COLQ: variants seen among roughly 807,000 people sequenced by gnomAD.
The protein encoded by COLQ is acetylcholinesterase collagenic tail peptide.
COLQ carries 48 observed loss-of-function variants against 69.0 expected under a neutral mutation model. That is an observed-to-expected ratio of 0.70 (90% CI 0.55 to 0.88). The LOEUF (loss-of-function observed/expected upper bound fraction) is 0.88, where lower values mean the gene tolerates loss of function less well. Among genes scored for constraint, COLQ ranks in the 40% least tolerant of loss-of-function variants. The pLI is 0.00. For missense variants in COLQ, 618 were observed against 594.6 expected (o/e 1.04, Z -0.41); for synonymous variants, 217 against 211.2 (o/e 1.03, Z -0.24).
At chr3:15,462,034 T>G (rs2062126018) in intron 12 of COLQ, among the ~76,000 whole-genome samples, 1 of 148,516 alleles carries the variant, frequency 6.7e-6, no homozygotes. Flanking sequence ...TATTTATTTA[T>G]TTATTTATTT....
rs537718367 is a variant in COLQ, at chr3:15,520,512, G to A, written c.106+1008C>T. ...TGGCCCTCCCTGTGTTTCCAGCAAA[G>A]GCAGCGATAGTGAAATTTCTGTCTC... is the stretch of plus-strand genomic sequence containing the variant. On this transcript the variant is annotated intron_variant, in intron 1 of 16. Coordinates refer to ENST00000383788, the MANE Select transcript of COLQ (RefSeq NM_005677.4). Among the ~76,000 whole-genome samples the A allele has an allele frequency of 2.0e-5, 3 of 152,306 alleles. No individual in the cohort carries two copies. In the East Asian group the frequency reaches 5.8e-4, roughly 29 times the overall value.
At chr3:15,501,591 A>G (rs1439727015) in intron 1 of COLQ, among the ~76,000 whole-genome samples, 5 of 152,186 alleles carry the variant, frequency 3.3e-5, no homozygotes, top group Non-Finnish European at 7.3e-5. Context: ...ACTGACAACC[A>G]TTCTTTCCTC....
chr3:15,458,087 A>G, intron 13 of COLQ, 99 bp downstream of exon 13: 1 of 1,412,454 alleles, frequency 7.1e-7, no homozygotes, highest in Non-Finnish European at 1.0e-6. Context: ...AGTCGTGAAA[A>G]AAAGTTAGTT....
At chr3:15,488,124 G>C in intron 3 of COLQ, 82 bp downstream of exon 3, 1 of 990,566 alleles carries the variant, frequency 1.0e-6, no homozygotes, top group Non-Finnish European at 1.6e-6. Flanking sequence ...ATGAGAAAGA[G>C]CAGACACTAA....
At chr3:15,498,634 G>T (rs1239686135) in intron 1 of COLQ, 1 of 1,551,402 alleles carries the variant, frequency 6.4e-7, no homozygotes, top group Non-Finnish European at 8.7e-7. Context: ...ACTAGCCGGA[G>T]ACAGGCTGAG....
At chr3:15,465,411 C>G (rs1334372983) in intron 12 of COLQ, among the ~76,000 whole-genome samples, 1 of 148,380 alleles carries the variant, frequency 6.7e-6, no homozygotes, top group African/African-American at 2.5e-5. Context: ...GGACTATAGG[C>G]GCCCGCCACC....
At position 15,509,968 on chromosome 3, in the gene COLQ, C is replaced by T. The variant is rs574405683; in HGVS notation, c.106+11552G>A. ...TGGGTGGATCATGAGGTCAGGAGATCGAGACCATCCTGGCTAACATGGTGA... is the reference window on the plus strand; with the variant it reads ...TGGGTGGATCATGAGGTCAGGAGATTGAGACCATCCTGGCTAACATGGTGA... On this transcript the variant is annotated intron_variant, in intron 1 of 16. Transcript: ENST00000383788. 4.0e-5 allele frequency among the ~76,000 whole-genome samples: 6 copies of T among 151,768 alleles called. No homozygotes were observed. In the South Asian group the frequency reaches 6.3e-4, roughly 16 times the overall value.
chr3:15,493,623 A>C (rs368795082), intron 1 of COLQ, among the ~76,000 whole-genome samples: 104 of 152,364 alleles, frequency 6.8e-4, no homozygotes, highest in African/African-American at 2.4e-3. Flanking sequence ...ACCACAGGGA[A>C]TCTGTTTGCC....
intron 3 of COLQ, among the ~76,000 whole-genome samples, chr3:15,485,249 T>C (rs2062554949): frequency 6.6e-6 from 1 of 152,214 alleles, no homozygotes; most frequent in African/African-American, 2.4e-5. Context: ...TGCCTGAGCC[T>C]TCCTCTGGAA....
chr3:15,468,913 CTTCTGAAT>C (rs2062240447), intron 11 of COLQ, among the ~76,000 whole-genome samples: 1 of 152,166 alleles, frequency 6.6e-6, no homozygotes, highest in African/African-American at 2.4e-5. Context: ...TCTGAAATTC[CTTCTGAAT>C]TTCTGATTTT....
intron 16 of COLQ, among the ~76,000 whole-genome samples, chr3:15,452,236 T>C (rs1318499253): frequency 6.6e-6 from 1 of 151,934 alleles, no homozygotes; most frequent in African/African-American, 2.4e-5. Flanking sequence ...TCAGCTAATT[T>C]TTGTATTTTT....
intron 4 of COLQ, 22 bp from the exon 5 acceptor site, chr3:15,479,025 A>G: frequency 6.2e-7 from 1 of 1,614,176 alleles, no homozygotes. Flanking sequence ...GAAGACAGGT[A>G]AGGAGAGGCT....
At chr3:15,472,679 C>A (rs547469422) in intron 10 of COLQ, among the ~76,000 whole-genome samples, 1 of 152,122 alleles carries the variant, frequency 6.6e-6, no homozygotes, top group Admixed American at 6.6e-5. Context: ...CTCTGACATT[C>A]CCCCTCAACT....
chr3:15,483,180 T>A (rs1169303842), intron 3 of COLQ, among the ~76,000 whole-genome samples: 1 of 152,208 alleles, frequency 6.6e-6, no homozygotes, highest in African/African-American at 2.4e-5. Context: ...TTCATTGATT[T>A]TTTTGAAGGG....
At chr3:15,521,084 G>A (rs1239659627) in intron 1 of COLQ, among the ~76,000 whole-genome samples, 1 of 152,120 alleles carries the variant, frequency 6.6e-6, no homozygotes, top group Admixed American at 6.5e-5. Flanking sequence ...ATGCTATCTG[G>A]GTCTGGAAAG....
At position 15,488,235 on chromosome 3, in the gene COLQ, G is replaced by C; in HGVS notation, c.292C>G (p.Leu98Val). The C allele has an allele frequency of 6.2e-7, 1 of 1,613,150 alleles. No individual in the cohort carries two copies. Among genetic ancestry groups the C allele is most frequent in the Non-Finnish European group, 8.5e-7 (1 of 1,179,984 alleles). ...TSQSPCMQGS[L>V]GSPGPPGPQG... ...GGGCCGGGAGGCCCAGGGGAGCCTA[G>C]CGAGCCTTGCATGCACGGGGACTGC... Residue 98 changes from leucine (L) to valine (V), a missense_variant, in exon 3 of 17, where the codon CTA (leucine) becomes GTA (valine). Coordinates refer to ENST00000383788, the MANE Select transcript of COLQ (RefSeq NM_005677.4).
chr3:15,464,265 G>A (rs1204472042), intron 12 of COLQ, among the ~76,000 whole-genome samples: 1 of 152,166 alleles, frequency 6.6e-6, no homozygotes, highest in Non-Finnish European at 1.5e-5. Flanking sequence ...TTGAACTGTG[G>A]GGACCAGGAC....
At chr3:15,467,542 G>A (rs2062217547) in intron 11 of COLQ, among the ~76,000 whole-genome samples, 1 of 152,206 alleles carries the variant, frequency 6.6e-6, no homozygotes, top group African/African-American at 2.4e-5. Flanking sequence ...CCTCTTTTCT[G>A]CCTATTCTGG....
At chr3:15,496,175 T>C (rs1046952362) in intron 1 of COLQ, 5 of 152,772 alleles carry the variant, frequency 3.3e-5, no homozygotes, top group African/African-American at 9.6e-5. Context: ...ATCAGCTGCA[T>C]TTCTGGCTGA....
Sources: gnomAD v4.1 joint callset for allele counts (sites outside exome capture counted in the v4.1 genomes callset) on GRCh38, gnomAD v4.1.1 for gene constraint, MANE v1.5 for transcripts, NCBI Gene and HGNC (gene_info 2026-07-23, HGNC 2026-07-21) for gene names.